CACNB2: variants seen among roughly 807,000 people sequenced by gnomAD.
CACNB2 encodes the protein voltage-dependent L-type calcium channel subunit beta-2.
In CACNB2, 42 loss-of-function variants were observed where a neutral mutation model predicts 73.3. The ratio of observed to expected loss-of-function variants is 0.57; its 90% CI spans 0.45 to 0.74. CACNB2 has a LOEUF of 0.74. Among genes scored for constraint, CACNB2 ranks in the 30% least tolerant of loss-of-function variants. The pLI is 0.00. For synonymous variants in CACNB2, 348 were observed against 310.3 expected, an observed-to-expected ratio of 1.12 and a Z score of -1.28; for missense variants, 940 against 853.0, an observed-to-expected ratio of 1.10 and a Z score of -1.27.
chr10:18,211,193 G>A (rs2035302561), intron 2 of CACNB2, among the ~76,000 whole-genome samples: 1 of 152,150 alleles, frequency 6.6e-6, no homozygotes, highest in Non-Finnish European at 1.5e-5. Flanking sequence ...AAACAGAGGG[G>A]TAGAGAAAGA....
In CACNB2 at chr10:18,539,748, T is replaced by G. The variant is rs750755968; in HGVS notation, c.*24T>G. The G allele has an allele frequency of 5.0e-6, 8 of 1,586,046 alleles. No individual in the cohort carries two copies. In the East Asian group the frequency reaches 1.1e-4, roughly 22 times the overall value. ...GAGTTTTGCCCGTTTGTGTTTTTTTTTTTTTTTTTTTGAAGTCTTGTATAA... is the reference window on the plus strand; with the variant it reads ...GAGTTTTGCCCGTTTGTGTTTTTTTGTTTTTTTTTTTGAAGTCTTGTATAA... On this transcript the variant is annotated 3_prime_UTR_variant, in exon 14 of 14. Coordinates refer to ENST00000324631, the MANE Select transcript of CACNB2 (RefSeq NM_201596.3).
At chr10:18,257,188 C>T (rs2037320541) in intron 2 of CACNB2, 1 of 152,292 alleles carries the variant, frequency 6.6e-6, no homozygotes, top group Non-Finnish European at 1.5e-5. Context: ...TCAGCAGTGA[C>T]ACATGACTTG....
chr10:18,514,872 A>T, intron 7 of CACNB2: 1 of 783,722 alleles, frequency 1.3e-6, no homozygotes, highest in Non-Finnish European at 2.2e-6. Context: ...CAAACATATT[A>T]AAGCAGTTAT....
intron 3 of CACNB2, among the ~76,000 whole-genome samples, chr10:18,483,970 AG>A (rs1164756776): frequency 1.3e-5 from 2 of 152,250 alleles, no homozygotes; most frequent in African/African-American, 4.8e-5. Flanking sequence ...CTCAGTGTTC[AG>A]GGTACTGTGA....
intron 2 of CACNB2, among the ~76,000 whole-genome samples, chr10:18,364,696 C>T (rs1435583356): frequency 6.6e-6 from 1 of 152,094 alleles, no homozygotes; most frequent in Non-Finnish European, 1.5e-5. Context: ...CATCTGTTAC[C>T]TCTGACGTGC....
At chr10:18,300,673 AC>A (rs2039472463) in intron 2 of CACNB2, among the ~76,000 whole-genome samples, 1 of 151,940 alleles carries the variant, frequency 6.6e-6, no homozygotes, top group Non-Finnish European at 1.5e-5. Context: ...GGATAGTGAA[AC>A]CCCATCTCTA....
rs1273733859 is a variant in CACNB2 at position 18,474,396 on chromosome 10, G to A, written c.334-23959G>A. 3.3e-5 allele frequency among the ~76,000 whole-genome samples: 5 copies of A among 152,164 alleles called. No individual in the cohort carries two copies. In the East Asian group the frequency reaches 9.6e-4, roughly 29 times the overall value. On this transcript the variant is annotated intron_variant, in intron 3 of 13. Coordinates refer to ENST00000324631, the MANE Select transcript of CACNB2 (RefSeq NM_201596.3). ...GAGAAGCTTATTTTGCCGACGTTAA[G>A]GACATGCCTAGGCTCAGCGTCCTAA... is the stretch of plus-strand genomic sequence containing the variant.
chr10:18,496,922 T>C (rs183387380), intron 3 of CACNB2, among the ~76,000 whole-genome samples: 392 of 149,792 alleles, frequency 2.6e-3, no homozygotes, highest in Non-Finnish European at 4.6e-3. Flanking sequence ...AAGAAATACA[T>C]AGAAGAGGCC....
chr10:18,386,740 G>A (rs1191996854), intron 2 of CACNB2, among the ~76,000 whole-genome samples: 2 of 152,076 alleles, frequency 1.3e-5, no homozygotes, highest in Non-Finnish European at 2.9e-5. Flanking sequence ...ATAGTAAAAT[G>A]TATAGCTTTT....
chr10:18,145,185 G>C (rs933873991), intron 1 of CACNB2, among the ~76,000 whole-genome samples: 1 of 152,240 alleles, frequency 6.6e-6, no homozygotes, highest in Non-Finnish European at 1.5e-5. Context: ...ATACAGCCTG[G>C]TGATGGCAAC....
chr10:18,371,434 A>T (rs959995534), intron 2 of CACNB2, among the ~76,000 whole-genome samples: 2 of 151,540 alleles, frequency 1.3e-5, no homozygotes, highest in Admixed American at 1.3e-4. Context: ...TTCAATTCCC[A>T]CCTATGAGTG....
intron 3 of CACNB2, among the ~76,000 whole-genome samples, chr10:18,410,475 G>C (rs7075571): frequency 0.22 from 33,228 of 152,060 alleles, 5,925 homozygotes; most frequent in African/African-American, 0.49. Context: ...ACATGAACAT[G>C]TTTACGTCCC....
intron 2 of CACNB2, among the ~76,000 whole-genome samples, chr10:18,183,511 G>T (rs1384872727): frequency 6.6e-6 from 1 of 152,130 alleles, no homozygotes; most frequent in East Asian, 1.9e-4. Flanking sequence ...TCACAATCAT[G>T]GTGGAAGGGC....
intron 2 of CACNB2, among the ~76,000 whole-genome samples, chr10:18,389,177 C>T (rs1408526306): frequency 6.6e-6 from 1 of 152,162 alleles, no homozygotes; most frequent in African/African-American, 2.4e-5. Flanking sequence ...CTCACTCTGT[C>T]ACCCAGGCTG....
chr10:18,485,991 A>C lies in CACNB2; in HGVS notation c.334-12364A>C, dbSNP rs113560890. On this transcript the variant is annotated intron_variant, in intron 3 of 13. Transcript: ENST00000324631. ...TATTTAAGACAAATCCATTATAGAC[A>C]TTAAAACAAACTATGAATTTTCCTT... is the stretch of plus-strand genomic sequence containing the variant. Among the ~76,000 whole-genome samples, 816 of 151,800 alleles carry C rather than the reference A, an allele frequency of 5.4e-3. 6 individuals carry two copies. The highest frequency in any genetic ancestry group is 0.018 in the African/African-American group (752 of 41,354).
At chr10:18,402,143 A>G in intron 3 of CACNB2, 100 bp downstream of exon 3, 6 of 1,313,536 alleles carry the variant, frequency 4.6e-6, no homozygotes, top group Non-Finnish European at 6.5e-6. Flanking sequence ...GATCTATTAG[A>G]GAATTTCATT....
At chr10:18,280,423 C>T (rs1016848650) in intron 2 of CACNB2, among the ~76,000 whole-genome samples, 6 of 152,252 alleles carry the variant, frequency 3.9e-5, no homozygotes, top group South Asian at 2.1e-4. Flanking sequence ...GATTTGAACA[C>T]GTTGAGCCTG....
At chr10:18,517,657 T>C (rs2051414304) in intron 7 of CACNB2, among the ~76,000 whole-genome samples, 1 of 152,178 alleles carries the variant, frequency 6.6e-6, no homozygotes, top group African/African-American at 2.4e-5. Context: ...ACCTTTGAAG[T>C]ACCAAGGTAT....
At chr10:18,493,999 C>T (rs576965421) in intron 3 of CACNB2, among the ~76,000 whole-genome samples, 1 of 152,140 alleles carries the variant, frequency 6.6e-6, no homozygotes, top group Non-Finnish European at 1.5e-5. Flanking sequence ...TTCTATAAAG[C>T]TAATTCCCAT....
Sources: allele counts gnomAD v4.1 joint callset (sites outside exome capture counted in the v4.1 genomes callset), GRCh38; gene constraint gnomAD v4.1.1; transcripts MANE v1.5; gene names NCBI Gene and HGNC (gene_info 2026-07-23, HGNC 2026-07-21).